STT3B: variants seen among roughly 807,000 people sequenced by gnomAD.
STT3B encodes the protein STT3 oligosaccharyltransferase complex catalytic subunit B.
In STT3B, 29 loss-of-function variants were observed where a neutral mutation model predicts 96.8. The ratio of observed to expected loss-of-function variants is 0.30; its 90% confidence interval spans 0.22 to 0.41. The LOEUF is 0.41. Among genes scored for constraint, STT3B ranks in the 10% least tolerant of loss-of-function variants. The pLI, the probability that STT3B is intolerant of heterozygous loss-of-function variation, is 1.00. For missense variants in STT3B, 640 were observed against 1,022.3 expected (o/e 0.63, Z 5.10); for synonymous variants, 367 against 360.0 (o/e 1.02, Z -0.22).
chr3:31,544,048 C>T (rs987089799), intron 1 of STT3B, among the ~76,000 whole-genome samples: 2 of 152,050 alleles, frequency 1.3e-5, no homozygotes, highest in African/African-American at 4.8e-5. Context: ...TATTCTGATA[C>T]GAAGGAATAG....
intron 1 of STT3B, 106 bp downstream of exon 1, chr3:31,533,418 C>T (rs973328017): frequency 1.6e-6 from 2 of 1,268,378 alleles, no homozygotes; most frequent in Non-Finnish European, 2.0e-6. Context: ...CGCCGCGGAG[C>T]CCCGCTCGCG....
intron 1 of STT3B, among the ~76,000 whole-genome samples, chr3:31,535,404 G>A (rs1697064408): frequency 6.6e-6 from 1 of 151,742 alleles, no homozygotes; most frequent in African/African-American, 2.4e-5. Context: ...TGTGGTTGGA[G>A]GGCATAATTC....
intron 1 of STT3B, among the ~76,000 whole-genome samples, chr3:31,551,414 G>A (rs577402595): frequency 6.6e-6 from 1 of 152,080 alleles, no homozygotes; most frequent in East Asian, 1.9e-4. Flanking sequence ...GACAGGTTTT[G>A]CCATGTTGCC....
intron 1 of STT3B, among the ~76,000 whole-genome samples, chr3:31,543,136 T>C (rs1269032920): frequency 6.6e-6 from 1 of 151,210 alleles, no homozygotes; most frequent in African/African-American, 2.4e-5. Flanking sequence ...CAATTGATCA[T>C]CTGTGTCTTA....
At chr3:31,588,716 AT>A (rs113451076) in intron 3 of STT3B, among the ~76,000 whole-genome samples, 19 of 151,472 alleles carry the variant, frequency 1.3e-4, no homozygotes, top group Middle Eastern at 3.4e-3. Context: ...GTCTAGATTG[AT>A]TTTTTTTTGT....
At chr3:31,578,806 C>T (rs575507956) in intron 2 of STT3B, among the ~76,000 whole-genome samples, 1 of 151,500 alleles carries the variant, frequency 6.6e-6, no homozygotes, top group East Asian at 1.9e-4. Flanking sequence ...TGAGCGTAGG[C>T]AGTTAATAAA....
At chr3:31,631,023 G>T (rs559669628) in intron 14 of STT3B, among the ~76,000 whole-genome samples, 1 of 152,250 alleles carries the variant, frequency 6.6e-6, no homozygotes, top group East Asian at 1.9e-4. Context: ...GTCTCGATCT[G>T]ACCTCGTGAT....
At chr3:31,623,590 A>ATT in intron 10 of STT3B, 84 bp from the exon 11 acceptor site, 1 of 994,204 alleles carries the variant, frequency 1.0e-6, no homozygotes, top group South Asian at 1.8e-5. Flanking sequence ...ATAGATAAAC[A>ATT]GTCTCTCAAC....
intron 1 of STT3B, among the ~76,000 whole-genome samples, chr3:31,562,174 T>A (rs1697895417): frequency 1.3e-5 from 2 of 152,122 alleles, no homozygotes; most frequent in African/African-American, 4.8e-5. Context: ...GGAGGGCAGC[T>A]TCTCGAGCCC....
intron 1 of STT3B, among the ~76,000 whole-genome samples, chr3:31,543,067 C>CAAAAAAAAAAAA (rs10696158): frequency 2.7e-5 from 3 of 109,388 alleles, no homozygotes; most frequent in Admixed American, 1.0e-4. Context: ...CTCCATCTCA[C>CAAAAAAAAAAAA]AAAAAAAAAA....
chr3:31,603,878 A>T (rs1009621231), intron 5 of STT3B, among the ~76,000 whole-genome samples: 1 of 152,188 alleles, frequency 6.6e-6, no homozygotes, highest in African/African-American at 2.4e-5. Flanking sequence ...TTAAAAGCAG[A>T]CAGTAAGGAT....
intron 3 of STT3B, among the ~76,000 whole-genome samples, chr3:31,588,255 G>C (rs1415370576): frequency 6.6e-6 from 1 of 151,946 alleles, no homozygotes; most frequent in African/African-American, 2.4e-5. Flanking sequence ...CATGTATATG[G>C]ACTTTTTTTT....
intron 5 of STT3B, among the ~76,000 whole-genome samples, chr3:31,603,676 A>G (rs866107978): frequency 6.6e-6 from 1 of 152,100 alleles, no homozygotes; most frequent in African/African-American, 2.4e-5. Flanking sequence ...TCATGTCATA[A>G]GGAAATTATT....
At chr3:31,573,818 G>T (rs1344040850) in intron 1 of STT3B, among the ~76,000 whole-genome samples, 1 of 152,146 alleles carries the variant, frequency 6.6e-6, no homozygotes, top group Non-Finnish European at 1.5e-5. Context: ...TTGGGTGAAT[G>T]ACATCCTTTC....
At chr3:31,551,081 T>C (rs1050987601) in intron 1 of STT3B, among the ~76,000 whole-genome samples, 5 of 152,202 alleles carry the variant, frequency 3.3e-5, no homozygotes, top group African/African-American at 1.2e-4. Flanking sequence ...GGAGAAAGAA[T>C]AGAATAATCC....
intron 10 of STT3B, among the ~76,000 whole-genome samples, chr3:31,622,989 T>C (rs1490068848): frequency 6.6e-6 from 1 of 152,222 alleles, no homozygotes; most frequent in African/African-American, 2.4e-5. Flanking sequence ...TTTGAAATTC[T>C]TTCCTTCTAT....
intron 3 of STT3B, among the ~76,000 whole-genome samples, chr3:31,583,325 A>C (rs899668546): frequency 6.6e-6 from 1 of 151,858 alleles, no homozygotes; most frequent in Non-Finnish European, 1.5e-5. Context: ...AAAAAAATTC[A>C]AAGTCTGTTT....
intron 1 of STT3B, among the ~76,000 whole-genome samples, chr3:31,555,370 C>T (rs1245440987): frequency 2.0e-5 from 3 of 151,954 alleles, no homozygotes; most frequent in Admixed American, 6.6e-5. Flanking sequence ...TTAGGATAAG[C>T]TTTATATTTA....
In STT3B at chr3:31,558,959, C is replaced by T. The variant is rs545331544; in HGVS notation, c.315-17437C>T. Among the ~76,000 whole-genome samples the T allele has an allele frequency of 6.0e-5, 9 of 150,252 alleles. No homozygotes were observed. The South Asian group carries it at 1.9e-3, about 31-fold the overall frequency. On this transcript the variant is annotated intron_variant, in intron 1 of 15. Transcript: ENST00000295770. ...CCTGTAGGTTCTCTAGATAGTTGTTCGTAGTAGTCTCTGATGATCTTTTGT... is the reference window on the plus strand; with the variant it reads ...CCTGTAGGTTCTCTAGATAGTTGTTTGTAGTAGTCTCTGATGATCTTTTGT...
Sources: gnomAD v4.1 joint callset for allele counts (sites outside exome capture counted in the v4.1 genomes callset) on GRCh38, gnomAD v4.1.1 for gene constraint, MANE v1.5 for transcripts, NCBI Gene and HGNC (gene_info 2026-07-23, HGNC 2026-07-21) for gene names.